OR5K1: variants seen among roughly 807,000 people sequenced by gnomAD.
OR5K1 encodes the protein olfactory receptor family 5 subfamily K member 1, also known as olfactory receptor 5K1.
In OR5K1, 7 loss-of-function variants were observed where a neutral mutation model predicts 10.4. That is an observed-to-expected ratio of 0.67 (90% CI 0.38 to 1.26). The LOEUF is 1.26. Among genes scored for constraint, OR5K1 ranks in the 50% most tolerant of loss-of-function variants. The probability of loss-of-function intolerance (pLI) is 0.02; values close to 1 mark genes in which losing one functional copy is unlikely to be tolerated. For missense variants in OR5K1, 435 were observed against 366.2 expected, an observed-to-expected ratio of 1.19 and a Z score of -1.53; for synonymous variants, 135 against 128.5, an observed-to-expected ratio of 1.05 and a Z score of -0.34.
rs9855579 is a variant in OR5K1 at position 98,471,862 on chromosome 3, A to G, written c.*1359A>G. 1 of 152,032 alleles carries G rather than the reference A, an allele frequency of 6.6e-6. No individual in the cohort carries two copies. Among genetic ancestry groups the G allele is most frequent in the South Asian group, 2.1e-4 (1 of 4,824 alleles). The allele number at this position is 152,032 out of a possible 1,614,324, so 9.4% of individuals were successfully genotyped here. The stretch of plus-strand genomic sequence containing the variant: ...TTCCCTAACTCATCAATGCAAAAAT[A>G]TAACCACCTAGTTTTTCTTTGTAAC... On this transcript the variant is annotated 3_prime_UTR_variant, in exon 2 of 2. Transcript: ENST00000642057.
intron 1 of OR5K1, among the ~76,000 whole-genome samples, chr3:98,468,966 A>G (rs943742550): frequency 2.1e-4 from 32 of 152,102 alleles, no homozygotes; most frequent in African/African-American, 7.7e-4. Flanking sequence ...TGTGAAGATA[A>G]TCTGATGTAT....
At chr3:98,466,118 A>C (rs1705372758) in intron 1 of OR5K1, among the ~76,000 whole-genome samples, 1 of 150,922 alleles carries the variant, frequency 6.6e-6, no homozygotes, top group African/African-American at 2.4e-5. Flanking sequence ...CTCATTGTTC[A>C]ATTCCCACCT....
At chr3:98,465,558 G>A (rs1340809659) in intron 1 of OR5K1, among the ~76,000 whole-genome samples, 1 of 152,030 alleles carries the variant, frequency 6.6e-6, no homozygotes, top group Non-Finnish European at 1.5e-5. Flanking sequence ...TTATTTTCCA[G>A]TAATTGCACA....
In OR5K1 at chr3:98,469,921, G is replaced by A. The variant is rs1445913065; in HGVS notation, c.345G>A (p.Leu115=). Residue 115 remains leucine, a synonymous_variant, in exon 2 of 2, where the codon CTG becomes CTA. Coordinates refer to ENST00000642057, the MANE Select transcript of OR5K1 (RefSeq NM_001004736.4). ...CTVETADCFL[L]AAMAYDRYVA... ...TGGAAACTGCAGACTGCTTTCTTCT[G>A]GCAGCAATGGCCTATGACCGCTATG... 3 of 1,613,556 alleles carry A rather than the reference G, an allele frequency of 1.9e-6. No individual in the cohort carries two copies. In the Admixed American group the frequency reaches 5.0e-5, roughly 27 times the overall value.
chr3:98,468,107 T>G (rs1705396381), intron 1 of OR5K1, among the ~76,000 whole-genome samples: 1 of 152,112 alleles, frequency 6.6e-6, no homozygotes, highest in South Asian at 2.1e-4. Context: ...CTGGATGGTT[T>G]CTAGTATAGG....
rs767874921 is a variant in OR5K1 at position 98,470,159 on chromosome 3, A to G, written c.583A>G (p.Asn195Asp). The change falls in exon 2 of 2, where the codon AAT (asparagine) becomes GAT (aspartate). Residue 195 changes from asparagine (N) to aspartate (D), a missense_variant. By Grantham distance (23) the Asn-to-Asp change is conservative. Coordinates refer to ENST00000642057, the MANE Select transcript of OR5K1 (RefSeq NM_001004736.4). ...YRLSCVDPYI[N>D]ELVLFIFSGS... ...ACTCTCTTGTGTTGATCCTTATATC[A>G]ATGAACTGGTTCTATTCATCTTCTC... The G allele has an allele frequency of 2.5e-6, 4 of 1,613,462 alleles. No individual in the cohort carries two copies. The South Asian group carries it at 3.3e-5, about 13-fold the overall frequency.
chr3:98,466,091 T>C (rs180769410), intron 1 of OR5K1, among the ~76,000 whole-genome samples: 2,895 of 151,620 alleles, frequency 0.019, 70 homozygotes, highest in African/African-American at 0.066. Context: ...ATATTCCCCT[T>C]CCTGTGTCCA....
rs778201871 is a variant in OR5K1, at chr3:98,469,976, A to T, written c.400A>T (p.Ile134Phe). 6.2e-7 allele frequency: 1 copy of T among 1,613,750 alleles called. No individual in the cohort carries two copies. The highest frequency in any genetic ancestry group is 2.2e-5 in the East Asian group (1 of 44,872). The stretch of plus-strand genomic sequence containing the variant: ...CATATGCAACCCACTGCAGTACCAC[A>T]TCATGATGTCCAAGAAACTCTGCAT... ...VAICNPLQYHIMMSKKLCIQM... is the reference protein window; with the variant it reads ...VAICNPLQYHFMMSKKLCIQM... Residue 134 changes from isoleucine to phenylalanine, a missense_variant, in exon 2 of 2, where the codon ATC (isoleucine) becomes TTC (phenylalanine). Transcript: ENST00000642057.
At position 98,469,904 on chromosome 3, in the gene OR5K1, G is replaced by T. The variant is rs770989840; in HGVS notation, c.328G>T (p.Ala110Ser). The T allele has an allele frequency of 1.9e-6, 3 of 1,613,732 alleles. No individual in the cohort carries two copies. The highest frequency in any genetic ancestry group is 1.1e-5 in the South Asian group (1 of 91,080). ...TTATTTTCTTTGCACTGTGGAAACT[G>T]CAGACTGCTTTCTTCTGGCAGCAAT... ...QFYFLCTVET[A>S]DCFLLAAMAY... Residue 110 changes from alanine (A) to serine (S), a missense_variant, in exon 2 of 2, where the codon GCA becomes TCA. By Grantham distance (99) the Ala-to-Ser change is moderately conservative. Coordinates refer to ENST00000642057, the MANE Select transcript of OR5K1 (RefSeq NM_001004736.4).
chr3:98,465,191 A>G (rs1705357134), intron 1 of OR5K1, among the ~76,000 whole-genome samples: 1 of 152,184 alleles, frequency 6.6e-6, no homozygotes, highest in Non-Finnish European at 1.5e-5. Context: ...TAACCTTCAT[A>G]TGTAAGCATT....
chr3:98,469,507 C>G (rs761286387), intron 1 of OR5K1, 59 bp from the exon 2 acceptor site: 6 of 1,483,844 alleles, frequency 4.0e-6, no homozygotes, highest in Admixed American at 4.0e-5. Flanking sequence ...GCCAAAGAGA[C>G]CTAAATAACT....
chr3:98,465,170 G>A (rs950140403), intron 1 of OR5K1, among the ~76,000 whole-genome samples: 7 of 152,038 alleles, frequency 4.6e-5, no homozygotes, highest in South Asian at 2.1e-4. Flanking sequence ...GTATTGTCAT[G>A]CTACTTTTTT....
At chr3:98,465,819 T>A (rs368233586) in intron 1 of OR5K1, among the ~76,000 whole-genome samples, 1 of 152,100 alleles carries the variant, frequency 6.6e-6, no homozygotes, top group Admixed American at 6.6e-5. Flanking sequence ...TCCTATTTAT[T>A]CCAGTCTCCC....
At chr3:98,466,811 A>AT (rs1399362293) in intron 1 of OR5K1, among the ~76,000 whole-genome samples, 1 of 134,666 alleles carries the variant, frequency 7.4e-6, no homozygotes, top group Non-Finnish European at 1.5e-5. Context: ...CGTTTGTCAG[A>AT]TGTGTAGGTT....
chr3:98,467,885 C>A (rs1308437834), intron 1 of OR5K1, among the ~76,000 whole-genome samples: 1 of 147,820 alleles, frequency 6.8e-6, no homozygotes, highest in Non-Finnish European at 1.5e-5. Flanking sequence ...AATTGAATAC[C>A]CTTTATTTCC....
At chr3:98,463,943 T>C (rs1342491473) in intron 1 of OR5K1, among the ~76,000 whole-genome samples, 1 of 152,166 alleles carries the variant, frequency 6.6e-6, no homozygotes, top group Non-Finnish European at 1.5e-5. Context: ...TCAAACGTTA[T>C]TTTAAAAATA....
At position 98,465,143 on chromosome 3, in the gene OR5K1, A is replaced by G. The variant is rs564975713; in HGVS notation, c.-12+1836A>G. ...CTCTAATTTTTATTGCATAGAAAAA[A>G]CTAGTAATATTTTGATGTATTGTCA... On this transcript the variant is annotated intron_variant, in intron 1 of 1. Transcript: ENST00000642057. 1.1e-4 allele frequency among the ~76,000 whole-genome samples: 17 copies of G among 152,322 alleles called. No individual in the cohort carries two copies. In the East Asian group the frequency reaches 3.1e-3, roughly 28 times the overall value.
intron 1 of OR5K1, among the ~76,000 whole-genome samples, chr3:98,465,509 G>A (rs1481878978): frequency 6.6e-6 from 1 of 152,044 alleles, no homozygotes; most frequent in Non-Finnish European, 1.5e-5. Context: ...ATTGGCCAAA[G>A]GATGTGAATG....
rs985951366 is a variant in OR5K1 at position 98,471,574 on chromosome 3, C to CA, written c.*1077dup. ...TCTGGGTGTTGGGCCATATCAGTTACAAAAAATGCCAGTTTTTCCATCTTC... is the reference window on the plus strand; with the variant it reads ...TCTGGGTGTTGGGCCATATCAGTTACAAAAAAATGCCAGTTTTTCCATCTTC... On this transcript the variant is annotated 3_prime_UTR_variant, in exon 2 of 2. Transcript: ENST00000642057. 12 of 151,964 alleles carry CA rather than the reference C, an allele frequency of 7.9e-5. No homozygotes were observed. The highest frequency in any genetic ancestry group is 1.9e-4 in the African/African-American group (8 of 41,466). The allele number at this position is 151,964 out of a possible 1,614,324, so 9.4% of individuals were successfully genotyped here. A position where few individuals can be genotyped will look rare whatever the true frequency, so the allele number is the denominator to read the frequency against.
Sources: gnomAD v4.1 joint callset for allele counts (sites outside exome capture counted in the v4.1 genomes callset) on GRCh38, gnomAD v4.1.1 for gene constraint, MANE v1.5 for transcripts, NCBI Gene and HGNC (gene_info 2026-07-23, HGNC 2026-07-21) for gene names.